The following CPNE4 variants were observed in gnomAD, a reference collection of about 807,000 sequenced individuals.
CPNE4 encodes the protein copine 4.
Under a neutral mutation model 67.9 loss-of-function variants are expected in CPNE4, and 25 were observed. The observed-to-expected ratio is 0.37, with a 90% CI of 0.27 to 0.51. The LOEUF (loss-of-function observed/expected upper bound fraction) is 0.51. Ranked by LOEUF, CPNE4 falls within the 20% of genes least tolerant of loss-of-function variation. The probability of loss-of-function intolerance (pLI) is 0.93; values close to 1 mark genes in which losing one functional copy is unlikely to be tolerated. For missense variants in CPNE4, 464 were observed against 690.8 expected (o/e 0.67, Z 3.68); for synonymous variants, 242 against 244.9 (o/e 0.99, Z 0.11).
intron 1 of CPNE4, among the ~76,000 whole-genome samples, chr3:131,922,007 G>A (rs565702090): frequency 5.3e-5 from 8 of 152,188 alleles, no homozygotes; most frequent in Non-Finnish European, 1.0e-4. Context: ...GCTAAGGTTC[G>A]GAGTGTGATG....
At chr3:131,733,407 A>G (rs1486593536) in intron 2 of CPNE4, among the ~76,000 whole-genome samples, 4 of 152,220 alleles carry the variant, frequency 2.6e-5, no homozygotes, top group African/African-American at 9.6e-5. Flanking sequence ...AGTTCCTTCC[A>G]CTTGGCTAAA....
At chr3:131,750,951 G>A (rs1359688639) in intron 2 of CPNE4, among the ~76,000 whole-genome samples, 1 of 151,948 alleles carries the variant, frequency 6.6e-6, no homozygotes, top group African/African-American at 2.4e-5. Flanking sequence ...TTTTCTTTTA[G>A]AACTGGAAAA....
chr3:131,794,942 T>C (rs1489134558), intron 2 of CPNE4, among the ~76,000 whole-genome samples: 1 of 152,186 alleles, frequency 6.6e-6, no homozygotes, highest in African/African-American at 2.4e-5. Flanking sequence ...GTGTTTCCCA[T>C]CTTCAACCAC....
At chr3:131,810,440 T>C (rs1166974620) in intron 2 of CPNE4, among the ~76,000 whole-genome samples, 1 of 151,856 alleles carries the variant, frequency 6.6e-6, no homozygotes, top group African/African-American at 2.4e-5. Flanking sequence ...CAAGAAAATA[T>C]AAACATGAGG....
rs758759511 is a variant in CPNE4, at chr3:131,581,685, A to G, written c.781-20T>C. On this transcript the variant is annotated intron_variant, in intron 8 of 15. Coordinates refer to ENST00000429747, the MANE Select transcript of CPNE4 (RefSeq NM_130808.3). ...CTGCACCTGAAAGAAGGGTCATAGC[A>G]TGAGAATCTGTTCAGGAAAAAGCTG... 6.4e-7 allele frequency: 1 copy of G among 1,571,512 alleles called. No homozygotes were observed.
chr3:131,550,270 T>C (rs752593098), intron 13 of CPNE4, among the ~76,000 whole-genome samples, 190 bp from the exon 14 acceptor site: 3 of 152,176 alleles, frequency 2.0e-5, no homozygotes, highest in Non-Finnish European at 2.9e-5. Context: ...ATCATTCTCC[T>C]CTTTAAAAGC....
In CPNE4 at chr3:131,552,430, T is replaced by A. The variant is rs1318263789; in HGVS notation, c.1168+10A>T. ...CTGTGACACTGGCTTTCTTTCACGTTGTGCTTTACCTGCACATTCTGGGTT... is the reference window on the plus strand; with the variant it reads ...CTGTGACACTGGCTTTCTTTCACGTAGTGCTTTACCTGCACATTCTGGGTT... On this transcript the variant is annotated intron_variant, in intron 13 of 15. Transcript: ENST00000429747. 6.2e-7 allele frequency: 1 copy of A among 1,611,742 alleles called. No individual in the cohort carries two copies. The highest frequency in any genetic ancestry group is 8.5e-7 in the Non-Finnish European group (1 of 1,178,278).
chr3:131,714,598 C>T (rs2081639073), intron 3 of CPNE4, among the ~76,000 whole-genome samples: 1 of 152,172 alleles, frequency 6.6e-6, no homozygotes, highest in African/African-American at 2.4e-5. Flanking sequence ...TCATTAGCAT[C>T]CTCTTACATG....
intron 1 of CPNE4, among the ~76,000 whole-genome samples, chr3:131,906,267 T>C (rs2088755179): frequency 6.6e-6 from 1 of 152,096 alleles, no homozygotes; most frequent in Non-Finnish European, 1.5e-5. Flanking sequence ...TTTATTATTA[T>C]TATACTTTAA....
rs748126986 is a variant in CPNE4, at chr3:131,958,609, C to CTTTTT, written c.-1-53170_-1-53166dup. 8.4e-3 allele frequency among the ~76,000 whole-genome samples: 805 copies of CTTTTT among 95,656 alleles called. 55 individuals are homozygous for CTTTTT. Among genetic ancestry groups the CTTTTT allele is most frequent in the African/African-American group, 0.012 (246 of 19,984 alleles). The allele number at this position is 95,656 out of a possible 152,430, so 62.8% of individuals were successfully genotyped here. A position where few individuals can be genotyped will look rare whatever the true frequency, so the allele number is the denominator to read the frequency against. ...CAATTGATACACCTTTCTTTCTTTT[C>CTTTTT]TTTTTTTTTTTTTTTTTTTTTTTTT... is the stretch of plus-strand genomic sequence containing the variant. On this transcript the variant is annotated intron_variant, in intron 1 of 15. Coordinates refer to ENST00000429747, the MANE Select transcript of CPNE4 (RefSeq NM_130808.3).
intron 7 of CPNE4, among the ~76,000 whole-genome samples, chr3:131,648,555 T>G (rs2079726701): frequency 6.6e-6 from 1 of 152,186 alleles, no homozygotes; most frequent in Admixed American, 6.5e-5. Context: ...AAAGAATGAC[T>G]ACATATTTAA....
chr3:131,844,188 T>C (rs566469496), intron 2 of CPNE4, among the ~76,000 whole-genome samples: 33 of 152,160 alleles, frequency 2.2e-4, no homozygotes, highest in Non-Finnish European at 4.3e-4. Context: ...AAGGTCATTA[T>C]GACATTTTGC....
chr3:131,937,554 C>CA (rs1055604820), intron 1 of CPNE4, among the ~76,000 whole-genome samples: 23 of 151,856 alleles, frequency 1.5e-4, no homozygotes, highest in South Asian at 1.2e-3. Context: ...GAAAGTATGG[C>CA]AAAAAAACAG....
At chr3:131,904,543 T>C (rs139161356) in intron 2 of CPNE4, among the ~76,000 whole-genome samples, 35 of 152,202 alleles carry the variant, frequency 2.3e-4, no homozygotes, top group Non-Finnish European at 4.7e-4. Flanking sequence ...GTCAGCTCTG[T>C]CCAACAGTCA....
intron 7 of CPNE4, among the ~76,000 whole-genome samples, chr3:131,615,904 C>CAG (rs1167484295): frequency 6.6e-4 from 66 of 100,126 alleles, no homozygotes; most frequent in African/African-American, 4.0e-3. Context: ...CACACACACA[C>CAG]ACACACACAC....
intron 2 of CPNE4, among the ~76,000 whole-genome samples, chr3:131,787,938 T>C (rs2083610338): frequency 6.6e-6 from 1 of 152,142 alleles, no homozygotes; most frequent in Non-Finnish European, 1.5e-5. Context: ...GACTGTCCAA[T>C]ATATCATTTT....
intron 2 of CPNE4, among the ~76,000 whole-genome samples, chr3:131,749,599 C>A (rs1276098567): frequency 6.6e-6 from 1 of 151,918 alleles, no homozygotes; most frequent in Admixed American, 6.6e-5. Context: ...TCTTTCAATT[C>A]TTTCTGATTT....
At chr3:131,999,309 T>C (rs574281419) in intron 1 of CPNE4, among the ~76,000 whole-genome samples, 5 of 145,050 alleles carry the variant, frequency 3.4e-5, no homozygotes, top group Non-Finnish European at 7.5e-5. Context: ...GCCTTATTTA[T>C]AATATCCATC....
At chr3:131,912,322 G>A (rs1023476260) in intron 1 of CPNE4, among the ~76,000 whole-genome samples, 2 of 152,190 alleles carry the variant, frequency 1.3e-5, no homozygotes, top group South Asian at 2.1e-4. Flanking sequence ...AACTCAAGAG[G>A]GAAGAGAATC....
Sources: gnomAD v4.1 joint callset for allele counts (sites outside exome capture counted in the v4.1 genomes callset) on GRCh38, gnomAD v4.1.1 for gene constraint, MANE v1.5 for transcripts, NCBI Gene and HGNC (gene_info 2026-07-23, HGNC 2026-07-21) for gene names.